Variants in MAGI2 observed in about 807,000 individuals in gnomAD.
The protein encoded by MAGI2 is membrane-associated guanylate kinase, WW and PDZ domain-containing protein 2.
MAGI2 carries 35 observed loss-of-function variants against 133.3 expected under a neutral mutation model. The observed-to-expected ratio is 0.26, with a 90% CI of 0.20 to 0.35. MAGI2 has a LOEUF of 0.35. Ranked by LOEUF, MAGI2 falls within the 10% of genes least tolerant of loss-of-function variation. MAGI2 has a pLI of 1.00. For synonymous variants in MAGI2, 729 were observed against 710.6 expected, an observed-to-expected ratio of 1.03 and a Z score of -0.41; for missense variants, 1,636 against 1,863.4, an observed-to-expected ratio of 0.88 and a Z score of 2.25.
chr7:79,150,308 T>C (rs968652786), intron 1 of MAGI2, among the ~76,000 whole-genome samples: 3 of 151,698 alleles, frequency 2.0e-5, no homozygotes, highest in Non-Finnish European at 4.4e-5. Context: ...CTTTCATAAC[T>C]CCAACATCCC....
intron 3 of MAGI2, among the ~76,000 whole-genome samples, chr7:78,553,597 T>A (rs191350493): frequency 1.3e-5 from 2 of 152,316 alleles, no homozygotes; most frequent in East Asian, 3.9e-4. Flanking sequence ...GTTAGATGAT[T>A]ATCTCATTAG....
chr7:79,100,707 A>G (rs1817901651), intron 1 of MAGI2, among the ~76,000 whole-genome samples: 1 of 151,790 alleles, frequency 6.6e-6, no homozygotes, highest in South Asian at 2.1e-4. Context: ...AATTAAATAT[A>G]TAGCTATTTT....
chr7:79,310,730 T>A (rs1838215602), intron 1 of MAGI2, among the ~76,000 whole-genome samples: 1 of 152,136 alleles, frequency 6.6e-6, no homozygotes, highest in Admixed American at 6.6e-5. Flanking sequence ...TTTGTACCTG[T>A]GACCCCATAT....
intron 3 of MAGI2, among the ~76,000 whole-genome samples, chr7:78,608,888 CTA>C (rs1806122956): frequency 6.6e-6 from 1 of 152,134 alleles, no homozygotes; most frequent in Non-Finnish European, 1.5e-5. Flanking sequence ...AATAGAATGT[CTA>C]TATCTATCTA....
At chr7:78,434,956 C>G (rs2151440101) in intron 6 of MAGI2, among the ~76,000 whole-genome samples, 2 of 152,266 alleles carry the variant, frequency 1.3e-5, no homozygotes, top group South Asian at 4.1e-4. Context: ...CCGCTGCCTC[C>G]TATCCCTCTG....
chr7:78,885,111 A>C (rs1216443972), intron 2 of MAGI2, among the ~76,000 whole-genome samples: 2 of 152,166 alleles, frequency 1.3e-5, no homozygotes, highest in African/African-American at 2.4e-5. Context: ...CATTAGGTAC[A>C]TATGGATATA....
At chr7:78,959,058 T>C (rs1276489410) in intron 2 of MAGI2, among the ~76,000 whole-genome samples, 1 of 152,150 alleles carries the variant, frequency 6.6e-6, no homozygotes, top group Non-Finnish European at 1.5e-5. Flanking sequence ...GGCAACCTTG[T>C]AAGATCTTTT....
At chr7:79,229,869 G>A (rs1831204325) in intron 1 of MAGI2, among the ~76,000 whole-genome samples, 1 of 150,074 alleles carries the variant, frequency 6.7e-6, no homozygotes, top group African/African-American at 2.4e-5. Context: ...ATGTATACAT[G>A]TGCCATGCTG....
At chr7:78,316,935 C>T (rs1787470241) in intron 9 of MAGI2, among the ~76,000 whole-genome samples, 1 of 152,144 alleles carries the variant, frequency 6.6e-6, no homozygotes, top group African/African-American at 2.4e-5. Context: ...TTTCCCTACC[C>T]TTGCTTCACC....
intron 2 of MAGI2, among the ~76,000 whole-genome samples, chr7:78,811,265 G>C (rs1789017878): frequency 6.6e-6 from 1 of 152,104 alleles, no homozygotes; most frequent in East Asian, 1.9e-4. Flanking sequence ...GCTGTTTGCT[G>C]TTAATGATTT....
intron 3 of MAGI2, among the ~76,000 whole-genome samples, chr7:78,540,757 G>T (rs62468605): frequency 0.07 from 10,619 of 151,994 alleles, 462 homozygotes; most frequent in Non-Finnish European, 0.1. Context: ...GCTTCTTTAG[G>T]GGCCGGGAGT....
At chr7:78,179,982 C>T (rs1290005329) in intron 13 of MAGI2, among the ~76,000 whole-genome samples, 2 of 152,128 alleles carry the variant, frequency 1.3e-5, no homozygotes, top group African/African-American at 4.8e-5. Flanking sequence ...GTACTCCTCC[C>T]AAGAGAAGGA....
chr7:78,909,594 C>T (rs1442794412), intron 2 of MAGI2, among the ~76,000 whole-genome samples: 1 of 117,100 alleles, frequency 8.5e-6, no homozygotes, highest in East Asian at 2.6e-4. Flanking sequence ...CAGAGTGAGA[C>T]TCCATCTCAA....
chr7:78,699,299 C>A (rs1459614915), intron 2 of MAGI2, among the ~76,000 whole-genome samples: 1 of 152,178 alleles, frequency 6.6e-6, no homozygotes, highest in Non-Finnish European at 1.5e-5. Flanking sequence ...TAAGGTCTCA[C>A]TGTATTACCC....
chr7:78,373,760 T>G (rs944190976), intron 6 of MAGI2, among the ~76,000 whole-genome samples: 13 of 152,246 alleles, frequency 8.5e-5, no homozygotes, highest in African/African-American at 2.9e-4. Context: ...TCCCTTCACC[T>G]TCTAGTAGTC....
chr7:79,047,956 T>C (rs1302010272), intron 1 of MAGI2, among the ~76,000 whole-genome samples: 1 of 152,176 alleles, frequency 6.6e-6, no homozygotes, highest in East Asian at 1.9e-4. Flanking sequence ...TCCACAGTCA[T>C]CTGAACTATG....
intron 3 of MAGI2, among the ~76,000 whole-genome samples, chr7:78,620,264 A>G (rs1807585314): frequency 6.6e-6 from 1 of 151,960 alleles, no homozygotes; most frequent in Non-Finnish European, 1.5e-5. Context: ...ATTTTTTATG[A>G]GTATCTCTTT....
chr7:78,995,971 CT>C (rs1806270756), intron 2 of MAGI2, among the ~76,000 whole-genome samples: 1 of 152,168 alleles, frequency 6.6e-6, no homozygotes, highest in South Asian at 2.1e-4. Context: ...TATGGGAACA[CT>C]ATGAGAATTC....
At chr7:79,034,775 C>T (rs1373132254) in intron 1 of MAGI2, among the ~76,000 whole-genome samples, 1 of 125,430 alleles carries the variant, frequency 8.0e-6, no homozygotes, top group African/African-American at 2.9e-5. Flanking sequence ...ACCACTCACC[C>T]TTGTCCTTCG....
Sources: gnomAD v4.1 joint callset for allele counts (sites outside exome capture counted in the v4.1 genomes callset) on GRCh38, gnomAD v4.1.1 for gene constraint, MANE v1.5 for transcripts, NCBI Gene and HGNC (gene_info 2026-07-23, HGNC 2026-07-21) for gene names.